MEGF11: variants seen among roughly 807,000 people sequenced by gnomAD.
MEGF11 encodes the protein multiple EGF like domains 11.
Under a neutral mutation model 146.6 loss-of-function variants are expected in MEGF11, and 126 were observed. The ratio of observed to expected loss-of-function variants is 0.86; its 90% CI spans 0.74 to 1.00. MEGF11 has a LOEUF of 1.00. Ranked by LOEUF, MEGF11 falls within the 50% of genes least tolerant of loss-of-function variation. The probability of loss-of-function intolerance (pLI) is 0.00; values close to 1 mark genes in which losing one functional copy is unlikely to be tolerated. For synonymous variants in MEGF11, 532 were observed against 583.4 expected (o/e 0.91, Z 1.27); for missense variants, 1,509 against 1,521.2 (o/e 0.99, Z 0.13).
At chr15:66,188,121 C>T (rs1358567295) in intron 1 of MEGF11, among the ~76,000 whole-genome samples, 2 of 96,490 alleles carry the variant, frequency 2.1e-5, no homozygotes, top group Admixed American at 2.6e-4. Flanking sequence ...TGTAGTAACA[C>T]CCCCCCATGC....
chr15:66,173,316 T>A (rs557627123), intron 1 of MEGF11, among the ~76,000 whole-genome samples: 138 of 152,276 alleles, frequency 9.1e-4, no homozygotes, highest in Non-Finnish European at 1.6e-3. Context: ...AATTTTTTTT[T>A]AATTTTTATT....
At chr15:65,997,800 A>T (rs1393467462) in intron 5 of MEGF11, among the ~76,000 whole-genome samples, 1 of 152,226 alleles carries the variant, frequency 6.6e-6, no homozygotes, top group Non-Finnish European at 1.5e-5. Context: ...CAGTAAGGGT[A>T]TGGAGGTGTA....
At chr15:65,938,768 T>G (rs183454124) in intron 10 of MEGF11, among the ~76,000 whole-genome samples, 9 of 152,352 alleles carry the variant, frequency 5.9e-5, no homozygotes, top group Non-Finnish European at 8.8e-5. Context: ...CCACTAAAGA[T>G]GCAAATCGCT....
chr15:66,165,453 A>G (rs1016973050), intron 1 of MEGF11, among the ~76,000 whole-genome samples: 2 of 152,184 alleles, frequency 1.3e-5, no homozygotes, highest in African/African-American at 2.4e-5. Flanking sequence ...CTGGGGAACT[A>G]GTCACCACCA....
At position 65,898,467 on chromosome 15, in the gene MEGF11, G is replaced by A. The variant is rs1467810082; in HGVS notation, c.3262+261C>T. ...TGTGTGTGTGTGTGCGCGCGTGCAC[G>A]TGCATGTGCCCATTTCCCACCCCCA... On this transcript the variant is annotated intron_variant, in intron 25 of 25. Coordinates refer to ENST00000395614, the MANE Select transcript of MEGF11 (RefSeq NM_001385028.1). The A allele has an allele frequency of 5.1e-6, 5 of 985,220 alleles. No homozygotes were observed. In the South Asian group the frequency reaches 1.4e-4, roughly 28 times the overall value. 61.0% of individuals were successfully genotyped at this position (985,220 alleles called of 1,614,324 possible). A position where few individuals can be genotyped will look rare whatever the true frequency, so the allele number is the denominator to read the frequency against.
At chr15:66,212,048 G>T (rs1403453004) in intron 1 of MEGF11, among the ~76,000 whole-genome samples, 1 of 358 alleles carries the variant, frequency 2.8e-3, no homozygotes, top group Admixed American at 0.022. Context: ...CACTGCCAGG[G>T]CCCAGGCAGG....
chr15:65,916,605 C>T (rs1311372479), intron 17 of MEGF11: 2 of 825,234 alleles, frequency 2.4e-6, no homozygotes, highest in African/African-American at 1.7e-5. Flanking sequence ...TACCTTGCAG[C>T]CCTGACCTTC....
In MEGF11 at chr15:65,975,162, T is replaced by A. The variant is rs541093397; in HGVS notation, c.763-4473A>T. Among the ~76,000 whole-genome samples the A allele has an allele frequency of 2.0e-3, 311 of 152,322 alleles. 1 individual carries two copies. The highest frequency in any genetic ancestry group is 3.3e-3 in the Non-Finnish European group (222 of 68,022). Reference sequence around the variant, plus strand: ...ATGCCCAGCCAAAAGAGATGGGGTCTCACTCTGTCATCCAGGCTGAAGTGC... The same window carrying A: ...ATGCCCAGCCAAAAGAGATGGGGTCACACTCTGTCATCCAGGCTGAAGTGC... On this transcript the variant is annotated intron_variant, in intron 7 of 25. Coordinates refer to ENST00000395614, the MANE Select transcript of MEGF11 (RefSeq NM_001385028.1).
intron 24 of MEGF11, among the ~76,000 whole-genome samples, chr15:65,899,541 C>G (rs1444454457): frequency 1.3e-5 from 2 of 152,138 alleles, no homozygotes; most frequent in Non-Finnish European, 2.9e-5. Flanking sequence ...AGCTTAGGTT[C>G]AGAAGAAGTA....
At chr15:66,033,391 T>C (rs999939433) in intron 5 of MEGF11, among the ~76,000 whole-genome samples, 1 of 152,196 alleles carries the variant, frequency 6.6e-6, no homozygotes, top group African/African-American at 2.4e-5. Context: ...CCAACTAGGG[T>C]CTCTGCTCCC....
chr15:66,184,544 C>T (rs1304407495), intron 1 of MEGF11, among the ~76,000 whole-genome samples: 1 of 151,948 alleles, frequency 6.6e-6, no homozygotes, highest in Non-Finnish European at 1.5e-5. Flanking sequence ...CCTCACTCTC[C>T]CCACAACCCC....
At chr15:66,107,367 G>C (rs897916834) in intron 4 of MEGF11, among the ~76,000 whole-genome samples, 1 of 152,188 alleles carries the variant, frequency 6.6e-6, no homozygotes, top group Non-Finnish European at 1.5e-5. Flanking sequence ...TTTGGGGACC[G>C]GCATGCCCAT....
At chr15:66,114,879 C>G (rs1242455625) in intron 4 of MEGF11, among the ~76,000 whole-genome samples, 1 of 152,210 alleles carries the variant, frequency 6.6e-6, no homozygotes, top group African/African-American at 2.4e-5. Context: ...AGGAGAAAAA[C>G]AGTGCCCCCC....
At chr15:66,131,727 G>A (rs990685040) in intron 1 of MEGF11, among the ~76,000 whole-genome samples, 5 of 152,160 alleles carry the variant, frequency 3.3e-5, no homozygotes, top group Admixed American at 6.5e-5. Context: ...AATGCTGCTC[G>A]CTATGTCCTC....
chr15:65,954,597 C>T (rs941835872), intron 10 of MEGF11, among the ~76,000 whole-genome samples: 1 of 152,192 alleles, frequency 6.6e-6, no homozygotes, highest in African/African-American at 2.4e-5. Flanking sequence ...ACCAGGGCAG[C>T]TTGACTCACA....
chr15:66,084,971 A>AG (rs2086043633), intron 5 of MEGF11, among the ~76,000 whole-genome samples: 1 of 152,002 alleles, frequency 6.6e-6, no homozygotes, highest in Admixed American at 6.6e-5. Flanking sequence ...TGGCGGGGGA[A>AG]GGGGGGACGG....
intron 1 of MEGF11, among the ~76,000 whole-genome samples, chr15:66,193,522 T>G (rs758209023): frequency 4.6e-5 from 7 of 152,178 alleles, no homozygotes; most frequent in Non-Finnish European, 8.8e-5. Flanking sequence ...TATAATACAT[T>G]TACAGTTAAC....
At chr15:66,051,511 A>G (rs534468882) in intron 5 of MEGF11, among the ~76,000 whole-genome samples, 3 of 152,328 alleles carry the variant, frequency 2.0e-5, no homozygotes, top group African/African-American at 7.2e-5. Flanking sequence ...CAGAGGGAAG[A>G]CAAGAGTTGG....
intron 19 of MEGF11, 160 bp from the exon 20 acceptor site, chr15:65,914,133 T>G: frequency 1.6e-6 from 1 of 609,964 alleles, no homozygotes; most frequent in Non-Finnish European, 2.9e-6. Context: ...CAGCCCTCAC[T>G]GTGCCTTCAT....
Sources: allele counts gnomAD v4.1 joint callset (sites outside exome capture counted in the v4.1 genomes callset), GRCh38; gene constraint gnomAD v4.1.1; transcripts MANE v1.5; gene names NCBI Gene and HGNC (gene_info 2026-07-23, HGNC 2026-07-21).